Variants in ELL observed in about 807,000 individuals in gnomAD.
ELL encodes RNA polymerase II elongation factor ELL.
ELL carries 18 observed loss-of-function variants against 64.0 expected under a neutral mutation model. The ratio of observed to expected loss-of-function variants is 0.28; its 90% CI spans 0.19 to 0.42. The LOEUF (loss-of-function observed/expected upper bound fraction) is 0.42. Among genes scored for constraint, ELL ranks in the 10% least tolerant of loss-of-function variants. The pLI is 1.00. For synonymous variants in ELL, 399 were observed against 376.2 expected, an observed-to-expected ratio of 1.06 and a Z score of -0.70; for missense variants, 797 against 870.4, an observed-to-expected ratio of 0.92 and a Z score of 1.06.
Position 18,450,827 on chromosome 19 carries a change from G to T in ELL, c.1115C>A (p.Pro372Gln), listed in dbSNP as rs762986150. The change falls in exon 8 of 12, where the codon CCA becomes CAA. Residue 372 changes from proline to glutamine, a missense_variant. Physicochemically the swap from Pro to Gln is moderately conservative, Grantham distance 76. Coordinates refer to ENST00000262809, the MANE Select transcript of ELL (RefSeq NM_006532.4). ...REALLPTPGPPASTDTLSSST... is the reference protein window; with the variant it reads ...REALLPTPGPQASTDTLSSST... ...GGAGCTGAGGGTGTCCGTGCTGGCT[G>T]GTGGGCCCGGGGTGGGCAGCAAGGC... 1.3e-6 allele frequency: 2 copies of T among 1,589,294 alleles called. No individual in the cohort carries two copies. Among genetic ancestry groups the T allele is most frequent in the South Asian group, 2.3e-5 (2 of 88,584 alleles).
intron 11 of ELL, 79 bp downstream of exon 11, chr19:18,445,145 G>C: frequency 6.3e-7 from 1 of 1,575,422 alleles, no homozygotes; most frequent in Admixed American, 1.7e-5. Context: ...AGCGGGCAGG[G>C]AGGCTGCCCC....
Position 18,445,419 on chromosome 19 carries a change from G to A in ELL, c.1705-151C>T, listed in dbSNP as rs940922320. The A allele has an allele frequency of 7.1e-5, 57 of 803,918 alleles. 1 individual carries two copies. The highest frequency in any genetic ancestry group is 5.6e-4 in the South Asian group (38 of 67,868). 49.8% of individuals were successfully genotyped at this position (803,918 alleles called of 1,614,324 possible). A position where few individuals can be genotyped will look rare whatever the true frequency, so the allele number is the denominator to read the frequency against. ...AAGTAACACCCCAGGGGCCCACAGC[G>A]GCTGTAGCTCCGGAGTGGGTGGGGC... is the stretch of plus-strand genomic sequence containing the variant. On this transcript the variant is annotated intron_variant, in intron 10 of 11. Coordinates refer to ENST00000262809, the MANE Select transcript of ELL (RefSeq NM_006532.4).
At chr19:18,509,730 G>C (rs925740361) in intron 1 of ELL, among the ~76,000 whole-genome samples, 5 of 150,846 alleles carry the variant, frequency 3.3e-5, no homozygotes, top group African/African-American at 1.2e-4. Context: ...AGGATCCTAA[G>C]AAAACTCTGC....
Position 18,473,142 on chromosome 19 carries a change from A to G in ELL, c.136-260T>C, listed in dbSNP as rs1388961383. On this transcript the variant is annotated intron_variant, in intron 1 of 11. Coordinates refer to ENST00000262809, the MANE Select transcript of ELL (RefSeq NM_006532.4). ...AAGAATGGGGCCTCCAGACACAGGC[A>G]ACAGGCTGGCGGAAGGCCCAGGATG... 23 of 676,560 alleles carry G rather than the reference A, an allele frequency of 3.4e-5. No individual in the cohort carries two copies. In the Admixed American group the frequency reaches 4.8e-4, roughly 14 times the overall value. 41.9% of individuals were successfully genotyped at this position (676,560 alleles called of 1,614,324 possible).
intron 1 of ELL, among the ~76,000 whole-genome samples, chr19:18,474,303 G>A (rs1975130470): frequency 6.6e-6 from 1 of 152,244 alleles, no homozygotes; most frequent in Admixed American, 6.5e-5. Context: ...CCACGCAGCT[G>A]TATACATATG....
At position 18,445,238 on chromosome 19, in the gene ELL, G is replaced by C. The variant is rs568866266; in HGVS notation, c.1735C>G (p.Arg579Gly). Residue 579 changes from arginine (R) to glycine (G), a missense_variant, in exon 11 of 12, where the codon CGA (arginine) becomes GGA (glycine). Transcript: ENST00000262809. ...GAGACACTCACCTTTTTGATTTTTCGATATTCCTGCAAAATCTGCCCTCGA... is the reference window on the plus strand; with the variant it reads ...GAGACACTCACCTTTTTGATTTTTCCATATTCCTGCAAAATCTGCCCTCGA... ...TTRGQILQEY[R>G]KIKKTNTNYS... 132 of 1,613,902 alleles carry C rather than the reference G, an allele frequency of 8.2e-5. 2 individuals carry two copies. The South Asian group carries it at 1.3e-3, about 16-fold the overall frequency.
intron 5 of ELL, among the ~76,000 whole-genome samples, chr19:18,461,149 G>A (rs548954458): frequency 1.8e-4 from 27 of 152,230 alleles, no homozygotes; most frequent in African/African-American, 4.3e-4. Context: ...CCCCTCACCC[G>A]GAGGCGCAGG....
At chr19:18,483,587 A>G (rs527237498) in intron 1 of ELL, among the ~76,000 whole-genome samples, 2 of 152,298 alleles carry the variant, frequency 1.3e-5, no homozygotes, top group Non-Finnish European at 1.5e-5. Context: ...ACTGAGGAAA[A>G]TGAGGTACTG....
intron 1 of ELL, among the ~76,000 whole-genome samples, chr19:18,509,962 G>C (rs1413229787): frequency 1.3e-5 from 2 of 152,222 alleles, no homozygotes; most frequent in Non-Finnish European, 1.5e-5. Context: ...CTTTGCCTGA[G>C]AAGGGCCCTG....
chr19:18,477,897 C>T (rs148458157), intron 1 of ELL, among the ~76,000 whole-genome samples: 27 of 152,160 alleles, frequency 1.8e-4, no homozygotes, highest in Non-Finnish European at 2.8e-4. Context: ...GCATAAATTA[C>T]GGTAGTGAGG....
chr19:18,455,988 T>C (rs940545650), intron 6 of ELL, among the ~76,000 whole-genome samples: 8 of 151,830 alleles, frequency 5.3e-5, no homozygotes, highest in African/African-American at 1.9e-4. Flanking sequence ...TCCCAGCTAC[T>C]CTGGATGCTG....
intron 1 of ELL, among the ~76,000 whole-genome samples, chr19:18,516,689 T>G (rs1017209860): frequency 2.0e-5 from 3 of 152,022 alleles, no homozygotes; most frequent in Non-Finnish European, 4.4e-5. Flanking sequence ...TCTGGGTCCA[T>G]TCACTAAGGG....
At chr19:18,504,035 G>T (rs8101226) in intron 1 of ELL, among the ~76,000 whole-genome samples, 2 of 152,230 alleles carry the variant, frequency 1.3e-5, no homozygotes, top group African/African-American at 4.8e-5. Flanking sequence ...CTGACTCCTC[G>T]GCATCCAGGG....
At chr19:18,491,253 T>C (rs1374024999) in intron 1 of ELL, among the ~76,000 whole-genome samples, 1 of 2,606 alleles carries the variant, frequency 3.8e-4, no homozygotes, top group East Asian at 4.0e-3. Context: ...TGGCTAATTT[T>C]TTTTTTTTTT....
intron 1 of ELL, among the ~76,000 whole-genome samples, chr19:18,506,859 C>T (rs1000808569): frequency 6.6e-6 from 1 of 152,196 alleles, no homozygotes; most frequent in Non-Finnish European, 1.5e-5. Flanking sequence ...GCCAGGGACC[C>T]TGTCTCATTG....
intron 1 of ELL, among the ~76,000 whole-genome samples, chr19:18,502,049 G>C (rs1454644262): frequency 1.3e-5 from 2 of 152,154 alleles, no homozygotes; most frequent in African/African-American, 2.4e-5. Context: ...TCCCACAGAG[G>C]CATGAGCAGC....
chr19:18,494,068 ACTC>A (rs1975591540), intron 1 of ELL, among the ~76,000 whole-genome samples: 1 of 151,056 alleles, frequency 6.6e-6, no homozygotes, highest in African/African-American at 2.4e-5. Context: ...TTCCAACCTC[ACTC>A]CTCCTCTCCA....
At chr19:18,470,956 T>C (rs1163589124) in intron 2 of ELL, 1 of 456,640 alleles carries the variant, frequency 2.2e-6, no homozygotes, top group Non-Finnish European at 4.4e-6. Flanking sequence ...TCCATGTCTC[T>C]GCAGAACCCT....
At chr19:18,483,089 T>TA (rs1287483326) in intron 1 of ELL, among the ~76,000 whole-genome samples, 1 of 152,142 alleles carries the variant, frequency 6.6e-6, no homozygotes, top group Non-Finnish European at 1.5e-5. Flanking sequence ...ATCTTTTTTT[T>TA]AAATAGCTCT....
Sources: allele counts gnomAD v4.1 joint callset (sites outside exome capture counted in the v4.1 genomes callset), GRCh38; gene constraint gnomAD v4.1.1; transcripts MANE v1.5; gene names NCBI Gene and HGNC (gene_info 2026-07-23, HGNC 2026-07-21).